Variants in GRAMD4 observed in about 807,000 individuals in gnomAD.
The protein encoded by GRAMD4 is GRAM domain-containing protein 4.
Under a neutral mutation model 83.9 loss-of-function variants are expected in GRAMD4, and 25 were observed. The observed-to-expected ratio is 0.30, with a 90% confidence interval of 0.22 to 0.42. GRAMD4 has a LOEUF of 0.42. GRAMD4 is among the 10% of genes least tolerant of loss of function. The probability of loss-of-function intolerance (pLI) is 1.00; values close to 1 mark genes in which losing one functional copy is unlikely to be tolerated. For synonymous variants in GRAMD4, 336 were observed against 320.9 expected, an observed-to-expected ratio of 1.05 and a Z score of -0.50; for missense variants, 593 against 788.7, an observed-to-expected ratio of 0.75 and a Z score of 2.97.
At chr22:46,653,476 G>A (rs900345449) in intron 3 of GRAMD4, among the ~76,000 whole-genome samples, 9 of 152,340 alleles carry the variant, frequency 5.9e-5, no homozygotes, top group African/African-American at 2.2e-4. Context: ...CACACAGGCA[G>A]GCATGACATG....
At chr22:46,626,230 G>A (rs971239440) in intron 1 of GRAMD4, among the ~76,000 whole-genome samples, 3 of 152,276 alleles carry the variant, frequency 2.0e-5, no homozygotes, top group African/African-American at 7.2e-5. Context: ...CGCATCTGCT[G>A]GTTTCCAGGC....
chr22:46,676,532 C>T, intron 17 of GRAMD4, 68 bp from the exon 18 acceptor site: 1 of 1,398,566 alleles, frequency 7.2e-7, no homozygotes, highest in Non-Finnish European at 9.9e-7. Context: ...ATGCCCTGGG[C>T]CTGTGGAGGG....
chr22:46,605,609 CTTG>C (rs756570922), intron 1 of GRAMD4, among the ~76,000 whole-genome samples: 1 of 152,270 alleles, frequency 6.6e-6, no homozygotes, highest in South Asian at 2.1e-4. Context: ...CTCGCCAACA[CTTG>C]TTGTTTTCTG....
chr22:46,682,406 C>T, downstream of GRAMD4: 1 of 984,610 alleles, frequency 1.0e-6, no homozygotes. Context: ...CCCCGAAATT[C>T]ACAGGTAAAT....
rs2082551671 is a variant in GRAMD4 at position 46,673,799 on chromosome 22, G to T, written c.1369G>T (p.Glu457Ter). ...CGAGATCTTCAATCTGACAGAAAAC[G>T]AGCGTCCGCTGGCGGGTATGTGTGC... ...FHEIFNLTEN[E>*]RPLAVCENGW... Residue 457 changes from glutamate (E) to a stop codon, truncating the protein, a stop_gained, in exon 15 of 19, where the codon GAG (glutamate) becomes TAG (stop). Transcript: ENST00000406902. LOFTEE classifies it high-confidence loss of function. 6.2e-7 allele frequency: 1 copy of T among 1,613,060 alleles called. No homozygotes were observed. Among genetic ancestry groups the T allele is most frequent in the South Asian group, 1.1e-5 (1 of 91,070 alleles).
chr22:46,613,443 G>A (rs2081437161), intron 1 of GRAMD4, among the ~76,000 whole-genome samples: 1 of 152,262 alleles, frequency 6.6e-6, no homozygotes, highest in Non-Finnish European at 1.5e-5. Context: ...AGGCACAGAG[G>A]GCCAGGATGC....
chr22:46,614,748 GCCTGTGCGTGTAGGTTCC>G (rs1300665666), intron 1 of GRAMD4, among the ~76,000 whole-genome samples: 4 of 152,046 alleles, frequency 2.6e-5, no homozygotes, highest in African/African-American at 7.2e-5. Context: ...TAGGACATGT[GCCTGTGCGTGTAGGTTCC>G]CCTGTGCGTG....
At chr22:46,627,209 T>C (rs2147167725) in intron 2 of GRAMD4, among the ~76,000 whole-genome samples, 1 of 152,340 alleles carries the variant, frequency 6.6e-6, no homozygotes, top group South Asian at 2.1e-4. Flanking sequence ...CTGGCTTTTC[T>C]GGGTGGGTGG....
rs528232038 is a variant in GRAMD4, at chr22:46,679,188, G to A, written c.*1937G>A. On this transcript the variant is annotated 3_prime_UTR_variant, in exon 19 of 19. Coordinates refer to ENST00000406902, the MANE Select transcript of GRAMD4 (RefSeq NM_015124.5). ...TGCCCAAGGATGGGTCCGGGGCCTC[G>A]GGGCCAATGAGCGCCTCTTCCTAGG... 43 of 985,418 alleles carry A rather than the reference G, an allele frequency of 4.4e-5. No individual in the cohort carries two copies. Among genetic ancestry groups the A allele is most frequent in the Non-Finnish European group, 5.1e-5 (42 of 829,990 alleles). 61.0% of individuals were successfully genotyped at this position (985,418 alleles called of 1,614,324 possible). A position where few individuals can be genotyped will look rare whatever the true frequency, so the allele number is the denominator to read the frequency against.
intron 3 of GRAMD4, among the ~76,000 whole-genome samples, chr22:46,648,520 G>A (rs2082106042): frequency 6.6e-6 from 1 of 151,448 alleles, no homozygotes; most frequent in South Asian, 2.1e-4. Context: ...TGAGTAGATA[G>A]ACAGATGGGT....
At chr22:46,614,212 G>C (rs746170015) in intron 1 of GRAMD4, among the ~76,000 whole-genome samples, 1 of 152,224 alleles carries the variant, frequency 6.6e-6, no homozygotes, top group Non-Finnish European at 1.5e-5. Context: ...TGGGCCTGCC[G>C]CGCGTGGCAG....
rs113575298 is a variant in GRAMD4, at chr22:46,661,050, C to A, written c.405-331C>A. Among the ~76,000 whole-genome samples the A allele has an allele frequency of 2.5e-3, 379 of 152,298 alleles. 4 individuals carry two copies. The highest frequency in any genetic ancestry group is 8.6e-3 in the African/African-American group (358 of 41,558). ...TAAACACATGTGTGTTGATCAGTATCTTTTCATTAGCAGACGGGTTGGTGA... is the reference window on the plus strand; with the variant it reads ...TAAACACATGTGTGTTGATCAGTATATTTTCATTAGCAGACGGGTTGGTGA... On this transcript the variant is annotated intron_variant, in intron 4 of 18. Transcript: ENST00000406902.
chr22:46,603,686 T>G (rs1022702434), intron 1 of GRAMD4, among the ~76,000 whole-genome samples: 108 of 150,988 alleles, frequency 7.2e-4, no homozygotes, highest in Non-Finnish European at 1.3e-3. Flanking sequence ...CTGGCTATTT[T>G]TTTGTATTTT....
chr22:46,639,679 T>C (rs2081947003), intron 3 of GRAMD4, among the ~76,000 whole-genome samples: 1 of 152,104 alleles, frequency 6.6e-6, no homozygotes, highest in Non-Finnish European at 1.5e-5. Context: ...ACCGTGTGTG[T>C]GTGTGCATGC....
chr22:46,586,404 C>T (rs2081150516), intron 1 of GRAMD4, among the ~76,000 whole-genome samples: 2 of 151,966 alleles, frequency 1.3e-5, no homozygotes, highest in African/African-American at 4.8e-5. Context: ...GATGCTGGCT[C>T]GGAGGGGCTC....
chr22:46,662,653 C>G (rs2147348544), intron 5 of GRAMD4, among the ~76,000 whole-genome samples: 1 of 152,236 alleles, frequency 6.6e-6, no homozygotes. Context: ...TTCTGACAAC[C>G]CGGAGGTAGA....
At chr22:46,624,324 CTTTTTT>C (rs577618843) in intron 1 of GRAMD4, among the ~76,000 whole-genome samples, 1 of 69,570 alleles carries the variant, frequency 1.4e-5, no homozygotes, top group Non-Finnish European at 2.4e-5. Context: ...TTCCCTCTTC[CTTTTTT>C]TTTTTTTTTT....
chr22:46,577,424 G>GC (rs1159976213), intron 1 of GRAMD4: 44 of 120,452 alleles, frequency 3.7e-4, no homozygotes, highest in South Asian at 8.7e-4. Flanking sequence ...GCCCGGGCCC[G>GC]AGCCGGCGAC....
intron 5 of GRAMD4, 26 bp from the exon 6 acceptor site, chr22:46,663,014 C>T (rs1172650501): frequency 1.9e-6 from 3 of 1,584,164 alleles, no homozygotes; most frequent in East Asian, 2.3e-5. Flanking sequence ...CCTGCCGTGC[C>T]CTCACCGGGT....
Sources: gnomAD v4.1 joint callset for allele counts (sites outside exome capture counted in the v4.1 genomes callset) on GRCh38, gnomAD v4.1.1 for gene constraint, MANE v1.5 for transcripts, NCBI Gene and HGNC (gene_info 2026-07-23, HGNC 2026-07-21) for gene names.